PRDM16: variants seen among roughly 807,000 people sequenced by gnomAD.
The protein encoded by PRDM16 is PR/SET domain 16.
In PRDM16, 23 loss-of-function variants were observed where a neutral mutation model predicts 110.6. The ratio of observed to expected loss-of-function variants is 0.21; its 90% CI spans 0.15 to 0.29. The LOEUF (loss-of-function observed/expected upper bound fraction) is 0.29. Among genes scored for constraint, PRDM16 ranks in the 10% least tolerant of loss-of-function variants. The pLI is 1.00. For synonymous variants in PRDM16, 799 were observed against 781.8 expected, an observed-to-expected ratio of 1.02 and a Z score of -0.37; for missense variants, 1,615 against 1,794.3, an observed-to-expected ratio of 0.90 and a Z score of 1.81.
At position 3,434,167 on chromosome 1, in the gene PRDM16, C is replaced by T. The variant is rs1016216299; in HGVS notation, c.*356C>T. On this transcript the variant is annotated 3_prime_UTR_variant, in exon 17 of 17. Coordinates refer to ENST00000270722, the MANE Select transcript of PRDM16 (RefSeq NM_022114.4). Reference sequence around the variant, plus strand: ...CCACTGCCGGGTGCCCGCGTGGGGTCGCGGAAGGGAATGGATAGACTGGTG... The same window carrying T: ...CCACTGCCGGGTGCCCGCGTGGGGTTGCGGAAGGGAATGGATAGACTGGTG... 3.2e-6 allele frequency: 1 copy of T among 313,322 alleles called. No homozygotes were observed. Among genetic ancestry groups the T allele is most frequent in the South Asian group, 7.1e-5 (1 of 14,094 alleles). The allele number at this position is 313,322 out of a possible 1,614,324, so 19.4% of individuals were successfully genotyped here. A position where few individuals can be genotyped will look rare whatever the true frequency, so the allele number is the denominator to read the frequency against.
chr1:3,256,252 C>T (rs776783074), intron 3 of PRDM16, among the ~76,000 whole-genome samples: 1 of 152,202 alleles, frequency 6.6e-6, no homozygotes, highest in Non-Finnish European at 1.5e-5. Flanking sequence ...CCAAAATCAT[C>T]AGGGGCTGCT....
intron 1 of PRDM16, among the ~76,000 whole-genome samples, chr1:3,184,558 A>T (rs1644246526): frequency 6.6e-6 from 1 of 151,808 alleles, no homozygotes; most frequent in Non-Finnish European, 1.5e-5. Flanking sequence ...CCCACCTAAC[A>T]CTCGCGCCTG....
At chr1:3,135,012 G>A (rs976411215) in intron 1 of PRDM16, among the ~76,000 whole-genome samples, 1 of 152,226 alleles carries the variant, frequency 6.6e-6, no homozygotes, top group African/African-American at 2.4e-5. Flanking sequence ...GGCCCTCCTG[G>A]TCCGCGTGCT....
chr1:3,246,146 G>A lies in PRDM16; in HGVS notation c.438+2009G>A, dbSNP rs1365932542. Among the ~76,000 whole-genome samples the A allele has an allele frequency of 2.0e-5, 3 of 152,150 alleles. No individual in the cohort carries two copies. The highest frequency in any genetic ancestry group is 4.1e-4 in the South Asian group (2 of 4,828). On this transcript the variant is annotated intron_variant, in intron 3 of 16. Coordinates refer to ENST00000270722, the MANE Select transcript of PRDM16 (RefSeq NM_022114.4). This position sits in a 1 kb window ranked among gnomAD's most constrained non-coding sequence, Gnocchi z 5.2. ...ACAGAAGGAGGGTGAAGTGGGCGCCGCCTTCTGTGCCTCTGGGCCACGGTG... is the reference window on the plus strand; with the variant it reads ...ACAGAAGGAGGGTGAAGTGGGCGCCACCTTCTGTGCCTCTGGGCCACGGTG...
chr1:3,260,288 C>A (rs1640130938), intron 3 of PRDM16, among the ~76,000 whole-genome samples: 1 of 152,174 alleles, frequency 6.6e-6, no homozygotes, highest in Non-Finnish European at 1.5e-5. Flanking sequence ...CACAGGCTGC[C>A]TCTCTGCTAA....
intron 3 of PRDM16, among the ~76,000 whole-genome samples, chr1:3,317,271 C>T (rs1029036009): frequency 3.9e-5 from 6 of 152,166 alleles, no homozygotes; most frequent in Non-Finnish European, 5.9e-5. Flanking sequence ...CCTTGGAGAC[C>T]TTACTGTCTC....
intron 3 of PRDM16, among the ~76,000 whole-genome samples, chr1:3,283,364 A>G (rs987648172): frequency 1.3e-5 from 2 of 151,730 alleles, no homozygotes; most frequent in South Asian, 2.1e-4. Flanking sequence ...TCATTCTCCA[A>G]TGCCCCTCCC....
At chr1:3,178,236 G>A (rs1224917721) in intron 1 of PRDM16, among the ~76,000 whole-genome samples, 1 of 152,164 alleles carries the variant, frequency 6.6e-6, no homozygotes, top group East Asian at 1.9e-4. Context: ...AGTTGCAGGG[G>A]CAGCTTTAGA....
rs1029231519 is a variant in PRDM16, at chr1:3,106,918, G to A, written c.37+37622G>A. Among the ~76,000 whole-genome samples, 15 of 152,202 alleles carry A rather than the reference G, an allele frequency of 9.9e-5. 1 individual carries two copies. The South Asian group carries it at 1.7e-3, about 17-fold the overall frequency. On this transcript the variant is annotated intron_variant, in intron 1 of 16. Transcript: ENST00000270722. ...TGGCTCCATGACAACAGCGCCTGGG[G>A]CCAACAGAGCCCTGCCACCCAGACG...
intron 3 of PRDM16, among the ~76,000 whole-genome samples, chr1:3,356,381 A>T (rs1642601894): frequency 6.6e-6 from 1 of 152,148 alleles, no homozygotes; most frequent in Non-Finnish European, 1.5e-5. Flanking sequence ...CCGTCTCATC[A>T]GGCGGAGGGA....
At position 3,350,974 on chromosome 1, in the gene PRDM16, C is replaced by G. The variant is rs1318456217; in HGVS notation, c.439-34178C>G. On this transcript the variant is annotated intron_variant, in intron 3 of 16. Transcript: ENST00000270722. This position sits in a 1 kb window ranked among gnomAD's most constrained non-coding sequence, Gnocchi z 7.1. The stretch of plus-strand genomic sequence containing the variant: ...CTGGGAGAAAAACAAGTCAGAAGAC[C>G]ATTTCCAAAAATAGCCAGCAGAGAG... Among the ~76,000 whole-genome samples the G allele has an allele frequency of 2.6e-5, 4 of 152,194 alleles. No individual in the cohort carries two copies. The highest frequency in any genetic ancestry group is 4.8e-5 in the African/African-American group (2 of 41,444).
chr1:3,258,431 A>C (rs920073790), intron 3 of PRDM16, among the ~76,000 whole-genome samples: 4 of 152,154 alleles, frequency 2.6e-5, no homozygotes, highest in African/African-American at 9.7e-5. Flanking sequence ...GCCTCTTCTT[A>C]TGCTAACGGG....
In PRDM16 at chr1:3,141,522, T is replaced by C. The variant is rs200731926; in HGVS notation, c.38-44603T>C. Among the ~76,000 whole-genome samples the C allele has an allele frequency of 3.3e-5, 5 of 152,354 alleles. No homozygotes were observed. The East Asian group carries it at 9.6e-4, about 29-fold the overall frequency. ...AATGGAAATTGTCAAATTGATCTAA[T>C]TGTACAATACGTTATCAGTGAGATA... On this transcript the variant is annotated intron_variant, in intron 1 of 16. Coordinates refer to ENST00000270722, the MANE Select transcript of PRDM16 (RefSeq NM_022114.4).
intron 16 of PRDM16, 82 bp from the exon 17 acceptor site, chr1:3,433,595 C>G: frequency 1.1e-6 from 1 of 931,852 alleles, no homozygotes; most frequent in South Asian, 1.9e-5. Context: ...TGCCCACGCG[C>G]TCACCTGCCT....
intron 3 of PRDM16, among the ~76,000 whole-genome samples, chr1:3,357,427 T>C (rs1642629256): frequency 6.7e-6 from 1 of 149,568 alleles, no homozygotes; most frequent in African/African-American, 2.5e-5. Context: ...CCGTGGGAAA[T>C]GGAGCACAGT....
intron 3 of PRDM16, among the ~76,000 whole-genome samples, chr1:3,383,319 A>G (rs566504406): frequency 6.6e-6 from 1 of 152,078 alleles, no homozygotes; most frequent in South Asian, 2.1e-4. Flanking sequence ...ATCCTGGCTG[A>G]CCTCCCGCCC....
At position 3,431,096 on chromosome 1, in the gene PRDM16, A is replaced by G; in HGVS notation, c.3509A>G (p.Asp1170Gly). ...GCCGCCTCCCTGGCCGTGGGCTTTG[A>G]CCACACCCGAAGGTGGGGGCAGCCG... Reference protein sequence around the residue: ...EPAASLAVGFDHTRRCAEDHE... With the variant: ...EPAASLAVGFGHTRRCAEDHE... The change falls in exon 15 of 17, where the codon GAC becomes GGC. Residue 1170 changes from aspartate (D) to glycine (G), a missense_variant. By Grantham distance (94) the Asp-to-Gly change is moderately conservative. This residue lies in a region of PRDM16 where 327 missense variants were observed against 359.3 expected (regional missense o/e 0.91). Coordinates refer to ENST00000270722, the MANE Select transcript of PRDM16 (RefSeq NM_022114.4). 1 of 1,550,792 alleles carries G rather than the reference A, an allele frequency of 6.4e-7. No homozygotes were observed. Among genetic ancestry groups the G allele is most frequent in the Non-Finnish European group, 8.7e-7 (1 of 1,147,674 alleles).
intron 3 of PRDM16, among the ~76,000 whole-genome samples, chr1:3,332,898 C>T (rs774911452): frequency 2.6e-5 from 4 of 152,206 alleles, no homozygotes; most frequent in East Asian, 1.9e-4. Flanking sequence ...TCTCTCACTA[C>T]GCATCTGTGT....
intron 3 of PRDM16, among the ~76,000 whole-genome samples, chr1:3,381,981 G>A (rs973935930): frequency 6.6e-6 from 1 of 152,194 alleles, no homozygotes; most frequent in Non-Finnish European, 1.5e-5. Flanking sequence ...GGGAGGGGGG[G>A]CCTCGTGGGT....
Sources: gnomAD v4.1 joint callset for allele counts (sites outside exome capture counted in the v4.1 genomes callset) on GRCh38, gnomAD v4.1.1 for gene constraint, gnomAD v4.1.1 regional missense constraint, Gnocchi (gnomAD v3.1) non-coding constraint, MANE v1.5 for transcripts, NCBI Gene and HGNC (gene_info 2026-07-23, HGNC 2026-07-21) for gene names.